ICAM5: variants seen among roughly 807,000 people sequenced by gnomAD.
ICAM5 encodes intercellular adhesion molecule 5.
Under a neutral mutation model 78.8 loss-of-function variants are expected in ICAM5, and 38 were observed. The ratio of observed to expected loss-of-function variants is 0.48; its 90% confidence interval spans 0.37 to 0.63. The LOEUF (loss-of-function observed/expected upper bound fraction) is 0.63. ICAM5 is among the 30% of genes least tolerant of loss of function. The pLI, the probability that ICAM5 is intolerant of heterozygous loss-of-function variation, is 0.00. For synonymous variants in ICAM5, 544 were observed against 590.9 expected, an observed-to-expected ratio of 0.92 and a Z score of 1.15; for missense variants, 1,059 against 1,303.0, an observed-to-expected ratio of 0.81 and a Z score of 2.88.
Position 10,295,602 on chromosome 19 carries a change from G to A in ICAM5, c.2487G>A (p.Val829=). 1 of 1,541,500 alleles carries A rather than the reference G, an allele frequency of 6.5e-7. No individual in the cohort carries two copies. The highest frequency in any genetic ancestry group is 8.7e-7 in the Non-Finnish European group (1 of 1,145,328). ...AHGRHARRIT[V]RVAGPWLWVA... ...GGCGCCACGCGCGGCGCATCACGGTGCGCGTGGCCGGTAAGTGGCAGCTGG... is the reference window on the plus strand; with the variant it reads ...GGCGCCACGCGCGGCGCATCACGGTACGCGTGGCCGGTAAGTGGCAGCTGG... Residue 829 remains valine (V), a synonymous_variant, in exon 10 of 11, where the codon GTG becomes GTA. Coordinates refer to ENST00000221980, the MANE Select transcript of ICAM5 (RefSeq NM_003259.4).
chr19:10,292,493 G>A, intron 4 of ICAM5, 119 bp from the exon 5 acceptor site: 1 of 1,419,258 alleles, frequency 7.0e-7, no homozygotes, highest in Non-Finnish European at 9.5e-7. Flanking sequence ...AGCCTGAGAG[G>A]CGGGGCGCCG....
At position 10,291,058 on chromosome 19, in the gene ICAM5, G is replaced by A; in HGVS notation, c.83-14G>A. Reference sequence around the variant, plus strand: ...AGTTGGCTCCCCAGGCTCAGCCCGCGTTTCCCTGGGCAGCGGTCTCGCAGG... The same window carrying A: ...AGTTGGCTCCCCAGGCTCAGCCCGCATTTCCCTGGGCAGCGGTCTCGCAGG... On this transcript the variant is annotated splice_polypyrimidine_tract_variant and intron_variant, in intron 1 of 10. Coordinates refer to ENST00000221980, the MANE Select transcript of ICAM5 (RefSeq NM_003259.4). 1 of 1,598,722 alleles carries A rather than the reference G, an allele frequency of 6.3e-7. No homozygotes were observed. Among genetic ancestry groups the A allele is most frequent in the Non-Finnish European group, 8.5e-7 (1 of 1,171,636 alleles).
Position 10,291,656 on chromosome 19 carries a change from C to A in ICAM5, c.520C>A (p.Pro174Thr), listed in dbSNP as rs775126079. Residue 174 changes from proline to threonine, a missense_variant, in exon 3 of 11, where the codon CCC (proline) becomes ACC (threonine). By Grantham distance (38) the Pro-to-Thr change is conservative (BLOSUM62 -1). Around this residue, in one of 3 missense-constraint regions of ICAM5, gnomAD observed 815 missense variants for 952.8 expected, o/e 0.86. Coordinates refer to ENST00000221980, the MANE Select transcript of ICAM5 (RefSeq NM_003259.4). ...CCGCCGCAGCTTCGCCGGTGAACCA[C>A]CCCGAGCGCGGGGCGCGGTGCTCAC... is the stretch of plus-strand genomic sequence containing the variant. ...LIRRSFAGEP[P>T]RARGAVLTAT... is the part of the protein sequence containing the mutation. 6.2e-7 allele frequency: 1 copy of A among 1,612,056 alleles called. No individual in the cohort carries two copies. Among genetic ancestry groups the A allele is most frequent in the South Asian group, 1.1e-5 (1 of 91,044 alleles).
In ICAM5 at chr19:10,293,491, A is replaced by C. The variant is rs2040193325; in HGVS notation, c.1466-207A>C. 6.6e-6 allele frequency among the ~76,000 whole-genome samples: 1 copy of C among 152,126 alleles called. No homozygotes were observed. The highest frequency in any genetic ancestry group is 2.4e-5 in the African/African-American group (1 of 41,404). On this transcript the variant is annotated intron_variant, in intron 6 of 10. Transcript: ENST00000221980. The surrounding 1 kb of genome is among the most constrained non-coding windows in gnomAD (Gnocchi z 5.0). Reference sequence around the variant, plus strand: ...GAAAGGCGGGCAGTCCAGAGTGTTTAAGTTTTTAGACGAAAAAGGCGCCAC... The same window carrying C: ...GAAAGGCGGGCAGTCCAGAGTGTTTCAGTTTTTAGACGAAAAAGGCGCCAC...
chr19:10,295,249 C>A, intron 9 of ICAM5, 97 bp from the exon 10 acceptor site: 1 of 1,328,932 alleles, frequency 7.5e-7, no homozygotes, highest in Non-Finnish European at 9.9e-7. Context: ...CCATCAGAGG[C>A]GCGGTGGTCT....
Position 10,293,883 on chromosome 19 carries a change from C to G in ICAM5, c.1651C>G (p.Arg551Gly). 1 of 1,611,474 alleles carries G rather than the reference C, an allele frequency of 6.2e-7. No homozygotes were observed. Among genetic ancestry groups the G allele is most frequent in the South Asian group, 1.1e-5 (1 of 91,078 alleles). ...RVAREHAGTY[R>G]CEATNPRGSA... is the part of the protein sequence containing the mutation. ...GGCCCGGGAGCATGCGGGCACTTAC[C>G]GCTGCGAAGCCACCAACCCTCGGGG... The change falls in exon 7 of 11, where the codon CGC (arginine) becomes GGC (glycine). Residue 551 changes from arginine to glycine, a missense_variant. By Grantham distance (125) the Arg-to-Gly change is moderately radical (BLOSUM62 -2). Transcript: ENST00000221980. This position sits in a 1 kb window ranked among gnomAD's most constrained non-coding sequence, Gnocchi z 5.0.
Position 10,291,760 on chromosome 19 carries a change from A to G in ICAM5, c.624A>G (p.Gly208=). ...CCGAGCTGGACCTGCGGCCGCACGG[A>G]CTGGGACTGTTTGAAAACAGCTCGG... ...CRAELDLRPH[G]LGLFENSSAP... The change falls in exon 3 of 11, where the codon GGA becomes GGG. Residue 208 remains glycine (G), a synonymous_variant. Transcript: ENST00000221980. The G allele has an allele frequency of 6.2e-7, 1 of 1,612,504 alleles. No individual in the cohort carries two copies. Among genetic ancestry groups the G allele is most frequent in the Non-Finnish European group, 8.5e-7 (1 of 1,179,908 alleles).
chr19:10,290,590 G>T lies in ICAM5; in HGVS notation c.82+465G>T, dbSNP rs1436814631. ...GTTCCTTCCATGAGCCCAGCCTTGC[G>T]TCCCGGCTCCGTGTTCTTCACCGGG... is the stretch of plus-strand genomic sequence containing the variant. On this transcript the variant is annotated intron_variant, in intron 1 of 10. Transcript: ENST00000221980. The surrounding 1 kb of genome is among the most constrained non-coding windows in gnomAD (Gnocchi z 5.7). The T allele has an allele frequency of 2.5e-5, 5 of 200,058 alleles. No homozygotes were observed. Among genetic ancestry groups the T allele is most frequent in the Admixed American group, 5.6e-5 (1 of 17,910 alleles). The allele number at this position is 200,058 out of a possible 1,614,324, so 12.4% of individuals were successfully genotyped here.
At position 10,296,723 on chromosome 19, in the gene ICAM5, C is replaced by A; in HGVS notation, c.*107C>A. 1 of 989,024 alleles carries A rather than the reference C, an allele frequency of 1.0e-6. No homozygotes were observed. Among genetic ancestry groups the A allele is most frequent in the Non-Finnish European group, 1.3e-6 (1 of 789,346 alleles). 61.3% of individuals were successfully genotyped at this position (989,024 alleles called of 1,614,324 possible). On this transcript the variant is annotated 3_prime_UTR_variant, in exon 11 of 11. Coordinates refer to ENST00000221980, the MANE Select transcript of ICAM5 (RefSeq NM_003259.4). ...ATTCATTTATTTATGTATTCAACTCCAAGGGCGTCACCCCCATTTTCTACC... is the reference window on the plus strand; with the variant it reads ...ATTCATTTATTTATGTATTCAACTCAAAGGGCGTCACCCCCATTTTCTACC...
chr19:10,291,849 C>T (rs200196487), intron 3 of ICAM5, 40 bp downstream of exon 3: 732 of 1,585,072 alleles, frequency 4.6e-4, no homozygotes, highest in Non-Finnish European at 5.9e-4. Context: ...CCAGTGGGGT[C>T]GGTCGGTGTT....
In ICAM5 at chr19:10,294,327, G is replaced by A. The variant is rs2040203006; in HGVS notation, c.1990+9G>A. On this transcript the variant is annotated intron_variant, in intron 8 of 10. Transcript: ENST00000221980. This position sits in a 1 kb window ranked among gnomAD's most constrained non-coding sequence, Gnocchi z 7.7. ...CGTCGTGAGCGCGGAGTGTGAGCGA[G>A]GCCCAGGCGGGTAGGGAGCAGGGGT... The A allele has an allele frequency of 6.2e-7, 1 of 1,612,052 alleles. No homozygotes were observed. The highest frequency in any genetic ancestry group is 1.1e-5 in the South Asian group (1 of 91,016).
chr19:10,290,180 C>A lies in ICAM5; in HGVS notation c.82+55C>A. 1 of 1,321,258 alleles carries A rather than the reference C, an allele frequency of 7.6e-7. No homozygotes were observed. The highest frequency in any genetic ancestry group is 1.0e-6 in the Non-Finnish European group (1 of 985,974). The allele number at this position is 1,321,258 out of a possible 1,614,324, so 81.8% of individuals were successfully genotyped here. ...CAGGGCGGGGGCGGAGTCCCTGGAC[C>A]TGAGAAACGGCCTCCTGTCCCTCCC... On this transcript the variant is annotated intron_variant, in intron 1 of 10. Transcript: ENST00000221980. This position sits in a 1 kb window ranked among gnomAD's most constrained non-coding sequence, Gnocchi z 5.7.
Position 10,293,635 on chromosome 19 carries a change from A to G in ICAM5, c.1466-63A>G, listed in dbSNP as rs1322625849. 7.3e-5 allele frequency: 115 copies of G among 1,565,456 alleles called. No individual in the cohort carries two copies. The highest frequency in any genetic ancestry group is 7.8e-6 in the Non-Finnish European group (9 of 1,153,362). ...TCGTGGAAGCCTTGCCGCGCCAAGG[A>G]GGGTCTAGGGACGTCAGATTTGCCC... is the stretch of plus-strand genomic sequence containing the variant. On this transcript the variant is annotated intron_variant, in intron 6 of 10. Transcript: ENST00000221980. The surrounding 1 kb of genome is among the most constrained non-coding windows in gnomAD (Gnocchi z 5.0).
In ICAM5 at chr19:10,296,312, C is replaced by G. The variant is rs558246490; in HGVS notation, c.2498-27C>G. The G allele has an allele frequency of 2.3e-4, 277 of 1,228,456 alleles. 1 individual carries two copies. The East Asian group carries it at 8.9e-3, about 40-fold the overall frequency. 76.1% of individuals were successfully genotyped at this position (1,228,456 alleles called of 1,614,324 possible). On this transcript the variant is annotated intron_variant, in intron 10 of 10. Coordinates refer to ENST00000221980, the MANE Select transcript of ICAM5 (RefSeq NM_003259.4). ...GGAGAAGCCCCCCGGAGCTTGGCCACCCTCCGCGAGGGTCTCCACCCCGCA... is the reference window on the plus strand; with the variant it reads ...GGAGAAGCCCCCCGGAGCTTGGCCAGCCTCCGCGAGGGTCTCCACCCCGCA...
In ICAM5 at chr19:10,293,015, G is replaced by A; in HGVS notation, c.1234G>A (p.Asp412Asn). ...LRVLYAPRLD[D>N]SDCPRSWTWP... ...GCCCGCAGACGCTCCCCGGCTAGAC[G>A]ATTCGGACTGCCCCAGGAGTTGGAC... Residue 412 changes from aspartate (D) to asparagine (N), a missense_variant, in exon 6 of 11, where the codon GAT (aspartate) becomes AAT (asparagine). Physicochemically the swap from Asp to Asn is conservative, Grantham distance 23 (BLOSUM62 1). This residue lies in a region of ICAM5 where 815 missense variants were observed against 952.8 expected (regional missense o/e 0.86). Coordinates refer to ENST00000221980, the MANE Select transcript of ICAM5 (RefSeq NM_003259.4). This position sits in a 1 kb window ranked among gnomAD's most constrained non-coding sequence, Gnocchi z 5.0. 6.2e-7 allele frequency: 1 copy of A among 1,611,012 alleles called. No homozygotes were observed. Among genetic ancestry groups the A allele is most frequent in the South Asian group, 1.1e-5 (1 of 91,070 alleles).
In ICAM5 at chr19:10,291,328, C is replaced by G; in HGVS notation, c.339C>G (p.Leu113=). Reference sequence around the variant, plus strand: ...GGCGCACACTACAGGCGCGTGGGCTCATTCGCACTTTCCGTGAGTTCTGGG... The same window carrying G: ...GGCGCACACTACAGGCGCGTGGGCTGATTCGCACTTTCCGTGAGTTCTGGG... ...CARRTLQARG[L]IRTFQRPDRV... Residue 113 remains leucine, a synonymous_variant, in exon 2 of 11, where the codon CTC becomes CTG. Coordinates refer to ENST00000221980, the MANE Select transcript of ICAM5 (RefSeq NM_003259.4). The G allele has an allele frequency of 6.2e-7, 1 of 1,608,126 alleles. No individual in the cohort carries two copies. The highest frequency in any genetic ancestry group is 8.5e-7 in the Non-Finnish European group (1 of 1,176,282).
At position 10,292,941 on chromosome 19, in the gene ICAM5, T is replaced by A. The variant is rs919431428; in HGVS notation, c.1217-57T>A. 5.7e-5 allele frequency: 91 copies of A among 1,607,810 alleles called. No individual in the cohort carries two copies. In the Admixed American group the frequency reaches 1.5e-3, roughly 27 times the overall value. ...ACCCGCCTGCTCCCTCACCGTGTCG[T>A]GGAGGCGGAGCCATTTCTTACGTCT... On this transcript the variant is annotated intron_variant, in intron 5 of 10. Coordinates refer to ENST00000221980, the MANE Select transcript of ICAM5 (RefSeq NM_003259.4).
rs1599282019 is a variant in ICAM5 at position 10,295,265 on chromosome 19, C to T, written c.2231-81C>T. 4.3e-6 allele frequency: 6 copies of T among 1,404,906 alleles called. No homozygotes were observed. The East Asian group carries it at 1.0e-4, about 25-fold the overall frequency. 87.0% of individuals were successfully genotyped at this position (1,404,906 alleles called of 1,614,324 possible). ...CATCAGAGGCGCGGTGGTCTCCCAT[C>T]GATCGTTGTGGGCCGGAGCAGGGCA... is the stretch of plus-strand genomic sequence containing the variant. On this transcript the variant is annotated intron_variant, in intron 9 of 10. Transcript: ENST00000221980.
chr19:10,295,472 G>C lies in ICAM5; in HGVS notation c.2357G>C (p.Gly786Ala), dbSNP rs1180672690. The C allele has an allele frequency of 1.3e-6, 2 of 1,587,258 alleles. No individual in the cohort carries two copies. Among genetic ancestry groups the C allele is most frequent in the Non-Finnish European group, 8.6e-7 (1 of 1,169,066 alleles). The change falls in exon 10 of 11, where the codon GGG (glycine) becomes GCG (alanine). Residue 786 changes from glycine to alanine, a missense_variant. This residue lies in a region of ICAM5 where 135 missense variants were observed against 230.2 expected (regional missense o/e 0.59). Coordinates refer to ENST00000221980, the MANE Select transcript of ICAM5 (RefSeq NM_003259.4). The part of the protein sequence containing the change: ...PAQISWRAPP[G>A]ALNIGLSSNN... ...CAGATCAGCTGGCGCGCGCCCCCGGGGGCCCTCAACATCGGCCTGTCGAGC... is the reference window on the plus strand; with the variant it reads ...CAGATCAGCTGGCGCGCGCCCCCGGCGGCCCTCAACATCGGCCTGTCGAGC...
Sources: gnomAD v4.1 joint callset for allele counts (sites outside exome capture counted in the v4.1 genomes callset) on GRCh38, gnomAD v4.1.1 for gene constraint, gnomAD v4.1.1 regional missense constraint, Gnocchi (gnomAD v3.1) non-coding constraint, MANE v1.5 for transcripts, NCBI Gene and HGNC (gene_info 2026-07-23, HGNC 2026-07-21) for gene names.